Variants in CCDC60 observed in about 807,000 individuals in gnomAD.
The protein encoded by CCDC60 is coiled-coil domain-containing protein 60.
Under a neutral mutation model 63.5 loss-of-function variants are expected in CCDC60, and 54 were observed. That is an observed-to-expected ratio of 0.85 (90% CI 0.68 to 1.07). The LOEUF (loss-of-function observed/expected upper bound fraction) is 1.07. Ranked by LOEUF, CCDC60 falls within the 50% of genes least tolerant of loss-of-function variation. The pLI is 0.00. For missense variants in CCDC60, 651 were observed against 684.3 expected (o/e 0.95, Z 0.54); for synonymous variants, 206 against 238.8 (o/e 0.86, Z 1.27).
chr12:119,379,636 A>G (rs1955988680), intron 1 of CCDC60, among the ~76,000 whole-genome samples: 1 of 152,252 alleles, frequency 6.6e-6, no homozygotes, highest in Non-Finnish European at 1.5e-5. Context: ...GAAAGTATGT[A>G]TGGTGAAATG....
chr12:119,469,943 C>T (rs1951024230), intron 2 of CCDC60, among the ~76,000 whole-genome samples: 1 of 152,176 alleles, frequency 6.6e-6, no homozygotes, highest in Non-Finnish European at 1.5e-5. Context: ...CAGACATTTG[C>T]AGATTCCTGA....
intron 3 of CCDC60, among the ~76,000 whole-genome samples, chr12:119,477,946 G>C (rs1951214357): frequency 6.6e-6 from 1 of 152,004 alleles, no homozygotes; most frequent in East Asian, 1.9e-4. Context: ...GAGAGAGAGA[G>C]AGAAAGAGAG....
chr12:119,395,927 A>G (rs1593022045), intron 1 of CCDC60, among the ~76,000 whole-genome samples: 1 of 149,636 alleles, frequency 6.7e-6, no homozygotes. Context: ...ATTCTCCTCC[A>G]TCATGCATCC....
chr12:119,499,657 G>C (rs1566044405), intron 5 of CCDC60, among the ~76,000 whole-genome samples: 1 of 152,016 alleles, frequency 6.6e-6, no homozygotes, highest in Non-Finnish European at 1.5e-5. Context: ...ATCCCACCCA[G>C]TAATATTCTC....
chr12:119,452,858 T>C (rs756367497), intron 2 of CCDC60, among the ~76,000 whole-genome samples: 3 of 152,150 alleles, frequency 2.0e-5, no homozygotes, highest in Non-Finnish European at 4.4e-5. Context: ...ACCCTCACTC[T>C]GTCACGCAGG....
intron 13 of CCDC60, among the ~76,000 whole-genome samples, chr12:119,535,782 G>C (rs182324873): frequency 2.6e-5 from 4 of 152,306 alleles, no homozygotes; most frequent in Admixed American, 2.6e-4. Context: ...CTGAGAGACA[G>C]TTTGTTATAA....
chr12:119,385,535 G>C (rs113389524), intron 1 of CCDC60, among the ~76,000 whole-genome samples: 2 of 152,174 alleles, frequency 1.3e-5, no homozygotes, highest in Non-Finnish European at 2.9e-5. Flanking sequence ...CACGTAAGAC[G>C]TGCCTTTTGC....
intron 7 of CCDC60, among the ~76,000 whole-genome samples, chr12:119,507,601 TATATATA>T (rs1952076815): frequency 3.6e-5 from 1 of 27,936 alleles, no homozygotes; most frequent in African/African-American, 2.6e-4. Flanking sequence ...CATATATATA[TATATATA>T]TATATATTTT....
chr12:119,539,260 A>C (rs907449062), intron 13 of CCDC60, among the ~76,000 whole-genome samples: 1 of 152,070 alleles, frequency 6.6e-6, no homozygotes, highest in Non-Finnish European at 1.5e-5. Context: ...GGCAGGCAGG[A>C]ATGTTTAAGT....
intron 4 of CCDC60, among the ~76,000 whole-genome samples, chr12:119,488,548 G>A (rs1357660920): frequency 1.3e-5 from 2 of 152,152 alleles, no homozygotes; most frequent in Non-Finnish European, 2.9e-5. Flanking sequence ...GTGAGCCTCT[G>A]ATTCCTCATC....
intron 8 of CCDC60, among the ~76,000 whole-genome samples, chr12:119,519,755 G>A (rs576954675): frequency 2.6e-5 from 4 of 151,826 alleles, no homozygotes; most frequent in East Asian, 1.9e-4. Context: ...GAACCATGAC[G>A]CCTGGCCAGT....
chr12:119,375,244 A>G (rs1955939358), intron 1 of CCDC60, among the ~76,000 whole-genome samples: 1 of 152,222 alleles, frequency 6.6e-6, no homozygotes, highest in Non-Finnish European at 1.5e-5. Flanking sequence ...GTGCTGGTAA[A>G]TGTTTAACAA....
chr12:119,411,830 G>A (rs766739317), intron 1 of CCDC60, among the ~76,000 whole-genome samples: 6 of 151,944 alleles, frequency 3.9e-5, no homozygotes, highest in Non-Finnish European at 7.4e-5. Context: ...TCTGAGCCCC[G>A]ATACACCCTT....
chr12:119,540,704 G>A lies in CCDC60; in HGVS notation c.1642G>A (p.Ala548Thr), dbSNP rs201432672. 3.3e-5 allele frequency: 54 copies of A among 1,612,902 alleles called. No homozygotes were observed. The Middle Eastern group carries it at 1.2e-3, about 35-fold the overall frequency. Residue 548 changes from alanine (A) to threonine (T), a missense_variant, in exon 14 of 14, where the codon GCC (alanine) becomes ACC (threonine). Physicochemically the swap from Ala to Thr is moderately conservative, Grantham distance 58 (BLOSUM62 0). Transcript: ENST00000327554. ...CAACATACCCATTGGGCCCTACAGC[G>A]CCCTGAGGTAGGCTGGGCCTGGGTT... ...RINIPIGPYS[A>T]LR
chr12:119,508,410 G>A (rs1444521619), intron 7 of CCDC60, among the ~76,000 whole-genome samples: 4 of 151,670 alleles, frequency 2.6e-5, no homozygotes, highest in Non-Finnish European at 4.4e-5. Flanking sequence ...GAACCCTGGA[G>A]GCAGAGGTTG....
chr12:119,421,679 G>A (rs1312299660), intron 1 of CCDC60, among the ~76,000 whole-genome samples: 1 of 152,144 alleles, frequency 6.6e-6, no homozygotes, highest in Non-Finnish European at 1.5e-5. Context: ...TGGTAGGACT[G>A]GCATTAGTTC....
intron 13 of CCDC60, among the ~76,000 whole-genome samples, chr12:119,532,641 A>G (rs965825284): frequency 1.3e-5 from 2 of 150,974 alleles, no homozygotes; most frequent in African/African-American, 2.4e-5. Context: ...TCATTGTTCA[A>G]CTCCCACTTA....
intron 2 of CCDC60, 130 bp downstream of exon 2, chr12:119,428,892 G>T: frequency 1.6e-6 from 1 of 614,232 alleles, no homozygotes. Context: ...AAGACTTACA[G>T]GAGGGTAACC....
rs1950371026 is a variant in CCDC60 at position 119,438,477 on chromosome 12, G to T, written c.170+9715G>T. On this transcript the variant is annotated intron_variant, in intron 2 of 13. Transcript: ENST00000327554. ...TAGTCAAAAGTCTTCTGGCATTGGA[G>T]TCAGCTGTGGGTTCAAATCCTAACT... Among the ~76,000 whole-genome samples the T allele has an allele frequency of 2.6e-5, 4 of 152,198 alleles. No individual in the cohort carries two copies. In the South Asian group the frequency reaches 8.3e-4, roughly 32 times the overall value.
Sources: allele counts gnomAD v4.1 joint callset (sites outside exome capture counted in the v4.1 genomes callset), GRCh38; gene constraint gnomAD v4.1.1; transcripts MANE v1.5; gene names NCBI Gene and HGNC (gene_info 2026-07-23, HGNC 2026-07-21).